Variants in PTPRQ observed in about 807,000 individuals in gnomAD.
PTPRQ encodes the protein phosphatidylinositol phosphatase PTPRQ.
PTPRQ carries 199 observed loss-of-function variants against 246.0 expected under a neutral mutation model. That is an observed-to-expected ratio of 0.81 (90% CI 0.72 to 0.91). The LOEUF is 0.91. Among genes scored for constraint, PTPRQ ranks in the 40% least tolerant of loss-of-function variants. The probability of loss-of-function intolerance (pLI) is 0.00; values close to 1 mark genes in which losing one functional copy is unlikely to be tolerated. For missense variants in PTPRQ, 2,624 were observed against 2,528.4 expected (o/e 1.04, Z -0.81); for synonymous variants, 869 against 853.2 (o/e 1.02, Z -0.32).
rs534289606 is a variant in PTPRQ, at chr12:80,517,238, C to T, written c.2678+6795C>T. 1.7e-4 allele frequency among the ~76,000 whole-genome samples: 26 copies of T among 152,194 alleles called. 1 individual carries two copies. The South Asian group carries it at 5.4e-3, about 32-fold the overall frequency. On this transcript the variant is annotated intron_variant, in intron 17 of 44. Coordinates refer to ENST00000644991, the MANE Select transcript of PTPRQ (RefSeq NM_001145026.2). Reference sequence around the variant, plus strand: ...CCTTTGTTTCTTATAAAAATCAGAACACTTTTGCCATATTTCCTGTGGCAA... The same window carrying T: ...CCTTTGTTTCTTATAAAAATCAGAATACTTTTGCCATATTTCCTGTGGCAA...
chr12:80,562,636 G>GA (rs1396369648), intron 25 of PTPRQ, among the ~76,000 whole-genome samples: 6 of 151,958 alleles, frequency 3.9e-5, no homozygotes, highest in Non-Finnish European at 8.8e-5. Context: ...TCAGTGAAAA[G>GA]AAAGAAATTT....
chr12:80,575,851 A>AC lies in PTPRQ; in HGVS notation c.4286-12278_4286-12277insC, dbSNP rs1160792946. Among the ~76,000 whole-genome samples, 3 of 151,174 alleles carry AC rather than the reference A, an allele frequency of 2.0e-5. No individual in the cohort carries two copies. In the South Asian group the frequency reaches 6.2e-4, roughly 31 times the overall value. On this transcript the variant is annotated intron_variant, in intron 25 of 44. Coordinates refer to ENST00000644991, the MANE Select transcript of PTPRQ (RefSeq NM_001145026.2). ...CGAAACCCCATCTCAAAAAAAAAAA[A>AC]AAAAAAGAAAAAAGAAAAAGAAAAA...
intron 17 of PTPRQ, among the ~76,000 whole-genome samples, chr12:80,527,721 G>T (rs1200040023): frequency 1.3e-5 from 2 of 152,168 alleles, no homozygotes; most frequent in East Asian, 3.9e-4. Flanking sequence ...AAAATTAAGA[G>T]ATATCTTTAA....
intron 29 of PTPRQ, among the ~76,000 whole-genome samples, chr12:80,614,421 A>G (rs968469454): frequency 6.0e-5 from 9 of 150,814 alleles, no homozygotes; most frequent in Non-Finnish European, 1.2e-4. Context: ...ATAAAATTAT[A>G]TGGTTCAGAG....
intron 14 of PTPRQ, among the ~76,000 whole-genome samples, chr12:80,503,784 A>G (rs1030784331): frequency 6.6e-6 from 1 of 151,700 alleles, no homozygotes; most frequent in Admixed American, 6.6e-5. Flanking sequence ...ATTGTCTACA[A>G]TTTCATTTAC....
chr12:80,471,668 G>A (rs200910493), intron 7 of PTPRQ, among the ~76,000 whole-genome samples: 2 of 147,344 alleles, frequency 1.4e-5, no homozygotes, highest in Admixed American at 6.8e-5. Flanking sequence ...TAGTAGAGAC[G>A]GGGTTTCACC....
chr12:80,498,550 G>A (rs932426113), intron 14 of PTPRQ, among the ~76,000 whole-genome samples: 1 of 152,038 alleles, frequency 6.6e-6, no homozygotes, highest in Non-Finnish European at 1.5e-5. Flanking sequence ...GTGATGAGCT[G>A]GAATTAGAAT....
At chr12:80,480,349 G>C (rs61333381) in intron 8 of PTPRQ, among the ~76,000 whole-genome samples, 4,588 of 152,124 alleles carry the variant, frequency 0.03, 260 homozygotes, top group African/African-American at 0.11. Flanking sequence ...CAACATACCA[G>C]AATATCTGGG....
At chr12:80,542,398 C>A (rs958525246) in intron 22 of PTPRQ, 34 bp downstream of exon 22, 7 of 1,514,410 alleles carry the variant, frequency 4.6e-6, no homozygotes, top group Non-Finnish European at 6.2e-6. Context: ...CAAACAATTT[C>A]ACTGTTGCAG....
chr12:80,669,976 T>G (rs1472427741), intron 41 of PTPRQ, among the ~76,000 whole-genome samples: 1 of 152,064 alleles, frequency 6.6e-6, no homozygotes, highest in Non-Finnish European at 1.5e-5. Context: ...TCTTTATACT[T>G]TTCACATAAC....
intron 3 of PTPRQ, among the ~76,000 whole-genome samples, chr12:80,453,159 G>A (rs1195420888): frequency 1.3e-5 from 2 of 151,982 alleles, no homozygotes; most frequent in East Asian, 1.9e-4. Context: ...TGATCGCATC[G>A]GCTCCTGAGG....
chr12:80,528,182 A>T (rs935411068), intron 17 of PTPRQ, among the ~76,000 whole-genome samples: 2 of 152,328 alleles, frequency 1.3e-5, no homozygotes, highest in Non-Finnish European at 2.9e-5. Flanking sequence ...GTAAGATATA[A>T]CTTATACACT....
intron 26 of PTPRQ, among the ~76,000 whole-genome samples, chr12:80,602,705 G>A (rs527529132): frequency 2.7e-4 from 41 of 151,862 alleles, no homozygotes; most frequent in African/African-American, 7.2e-4. Context: ...ATTGGCCATT[G>A]TATTTCAACA....
intron 17 of PTPRQ, among the ~76,000 whole-genome samples, chr12:80,526,933 T>TTA (rs1270874845): frequency 6.6e-6 from 1 of 152,038 alleles, no homozygotes; most frequent in Non-Finnish European, 1.5e-5. Context: ...CTGAAAAAAA[T>TTA]TATTTAAGTA....
intron 4 of PTPRQ, among the ~76,000 whole-genome samples, chr12:80,458,002 C>T (rs1162974972): frequency 6.6e-6 from 1 of 152,044 alleles, no homozygotes; most frequent in Non-Finnish European, 1.5e-5. Context: ...TGAAAATAAG[C>T]TTGTGCTACA....
intron 17 of PTPRQ, among the ~76,000 whole-genome samples, chr12:80,514,384 A>ACG (rs1895217661): frequency 2.4e-5 from 1 of 42,244 alleles, no homozygotes. Flanking sequence ...ACACACACAC[A>ACG]CACACACACA....
rs1038807030 is a variant in PTPRQ, at chr12:80,669,467, A to G, written c.6453+3A>G. 5 of 1,102,428 alleles carry G rather than the reference A, an allele frequency of 4.5e-6. No homozygotes were observed. The highest frequency in any genetic ancestry group is 5.9e-6 in the Non-Finnish European group (5 of 842,140). The allele number at this position is 1,102,428 out of a possible 1,614,324, so 68.3% of individuals were successfully genotyped here. A position where few individuals can be genotyped will look rare whatever the true frequency, so the allele number is the denominator to read the frequency against. On this transcript the variant is annotated splice_donor_region_variant and intron_variant, in intron 41 of 44. Coordinates refer to ENST00000644991, the MANE Select transcript of PTPRQ (RefSeq NM_001145026.2). Reference sequence around the variant, plus strand: ...TCAGGGATCTGAAAATTGAAAGGGTAAAAAAAAAAGGGGGGGACGAGAGAA... The same window carrying G: ...TCAGGGATCTGAAAATTGAAAGGGTGAAAAAAAAAGGGGGGGACGAGAGAA...
intron 17 of PTPRQ, among the ~76,000 whole-genome samples, chr12:80,521,187 T>C (rs565640530): frequency 8.5e-5 from 13 of 152,334 alleles, no homozygotes; most frequent in Non-Finnish European, 1.9e-4. Context: ...TCATATCCTT[T>C]GCCCACGTTT....
At position 80,669,470 on chromosome 12, in the gene PTPRQ, A is replaced by G; in HGVS notation, c.6453+6A>G. The G allele has an allele frequency of 6.5e-7, 1 of 1,537,230 alleles. No individual in the cohort carries two copies. Among genetic ancestry groups the G allele is most frequent in the Non-Finnish European group, 8.8e-7 (1 of 1,142,418 alleles). ...GGGATCTGAAAATTGAAAGGGTAAA[A>G]AAAAAAGGGGGGGACGAGAGAACAT... On this transcript the variant is annotated splice_donor_region_variant and intron_variant, in intron 41 of 44. Transcript: ENST00000644991.
Sources: allele counts gnomAD v4.1 joint callset (sites outside exome capture counted in the v4.1 genomes callset), GRCh38; gene constraint gnomAD v4.1.1; transcripts MANE v1.5; gene names NCBI Gene and HGNC (gene_info 2026-07-23, HGNC 2026-07-21).